Variants in TSPOAP1 observed in about 807,000 individuals in gnomAD.
TSPOAP1 encodes the protein TSPO associated protein 1, also known as peripheral-type benzodiazepine receptor-associated protein 1.
Under a neutral mutation model 197.0 loss-of-function variants are expected in TSPOAP1, and 87 were observed. The observed-to-expected ratio is 0.44, with a 90% CI of 0.37 to 0.53. The LOEUF (loss-of-function observed/expected upper bound fraction) is 0.53, where lower values mean the gene tolerates loss of function less well. Among genes scored for constraint, TSPOAP1 ranks in the 20% least tolerant of loss-of-function variants. The probability of loss-of-function intolerance (pLI) is 0.00; values close to 1 mark genes in which losing one functional copy is unlikely to be tolerated. For synonymous variants in TSPOAP1, 913 were observed against 998.9 expected (o/e 0.91, Z 1.62); for missense variants, 2,174 against 2,411.3 (o/e 0.90, Z 2.06).
rs561812917 is a variant in TSPOAP1 at position 58,308,780 on chromosome 17, T to C, written c.4492A>G (p.Ser1498Gly). ...SCLSPKCLEISIEYDSEDEQE... is the reference protein window; with the variant it reads ...SCLSPKCLEIGIEYDSEDEQE... ...TCATCCTCCGAATCATATTCAATGC[T>C]GATTTCCAAGCACTTGGGGGAAAGG... Residue 1498 changes from serine to glycine, a missense_variant, in exon 22 of 32, where the codon AGC (serine) becomes GGC (glycine). Coordinates refer to ENST00000343736, the MANE Select transcript of TSPOAP1 (RefSeq NM_004758.4). 6.2e-7 allele frequency: 1 copy of C among 1,613,038 alleles called. No homozygotes were observed. The highest frequency in any genetic ancestry group is 2.2e-5 in the East Asian group (1 of 44,878).
chr17:58,316,387 G>C, intron 15 of TSPOAP1, 38 bp downstream of exon 15: 1 of 1,561,098 alleles, frequency 6.4e-7, no homozygotes, highest in Admixed American at 1.8e-5. Context: ...CCCAAATGCT[G>C]GGGCTGGGCT....
In TSPOAP1 at chr17:58,312,516, C is replaced by A; in HGVS notation, c.2305G>T (p.Glu769Ter). The A allele has an allele frequency of 6.2e-7, 1 of 1,601,378 alleles. No homozygotes were observed. Among genetic ancestry groups the A allele is most frequent in the Non-Finnish European group, 8.5e-7 (1 of 1,173,734 alleles). Residue 769 changes from glutamate (E) to a stop codon, truncating the protein, a stop_gained, in exon 17 of 32, where the codon GAG (glutamate) becomes TAG (stop). Transcript: ENST00000343736. LOFTEE classifies it high-confidence loss of function. ...SVGRSQPRPE[E>*]EDAGDELSLS... ...CTGAGCTCGTCCCCTGCATCCTCCT[C>A]CTCAGGTCTGGGCTGGCTCCTTCCC...
intron 4 of TSPOAP1, 89 bp downstream of exon 4, chr17:58,325,445 G>A (rs1971555714): frequency 6.6e-7 from 1 of 1,521,330 alleles, no homozygotes; most frequent in African/African-American, 1.4e-5. Flanking sequence ...TTTCATTTGC[G>A]TCTCATTAAC....
At position 58,305,563 on chromosome 17, in the gene TSPOAP1, T is replaced by A; in HGVS notation, c.5338A>T (p.Ser1780Cys). The A allele has an allele frequency of 6.3e-7, 1 of 1,593,124 alleles. No individual in the cohort carries two copies. Among genetic ancestry groups the A allele is most frequent in the Non-Finnish European group, 8.5e-7 (1 of 1,170,408 alleles). ...ACCTCCACGTCCATATTGGGGGAAC[T>A]CTCCTGGGGGTTGTAGTCAAATGCA... ...VAAFDYNPQE[S>C]SPNMDVEAEL... The change falls in exon 28 of 32, where the codon AGT (serine) becomes TGT (cysteine). Residue 1780 changes from serine to cysteine, a missense_variant. Ser to Cys is a moderately radical substitution (Grantham distance 112). Transcript: ENST00000343736.
intron 13 of TSPOAP1, among the ~76,000 whole-genome samples, chr17:58,318,738 C>CTTG (rs763508900): frequency 2.0e-5 from 3 of 152,174 alleles, no homozygotes; most frequent in Non-Finnish European, 4.4e-5. Context: ...ATCACAGTGA[C>CTTG]TGTCAAGTGA....
chr17:58,323,431 A>ACAG (rs1401247528), intron 6 of TSPOAP1, 37 bp downstream of exon 6: 2 of 1,614,202 alleles, frequency 1.2e-6, no homozygotes, highest in Non-Finnish European at 1.7e-6. Flanking sequence ...ACATCTGCCC[A>ACAG]CAGCAGGCTG....
intron 16 of TSPOAP1, among the ~76,000 whole-genome samples, chr17:58,313,129 C>T (rs552681218): frequency 6.6e-6 from 1 of 152,108 alleles, no homozygotes; most frequent in African/African-American, 2.4e-5. Context: ...GGTAAAATAT[C>T]ATAATGCTTT....
At position 58,322,326 on chromosome 17, in the gene TSPOAP1, C is replaced by T. The variant is rs1281972593; in HGVS notation, c.1404G>A (p.Glu468=). 6.2e-7 allele frequency: 1 copy of T among 1,604,008 alleles called. No individual in the cohort carries two copies. The highest frequency in any genetic ancestry group is 1.7e-5 in the Admixed American group (1 of 60,012). ...ARLSLREKQE[E]VRRLQQAQAE... is the part of the protein sequence containing the mutation. ...GCCCCACCTGCTGCAGTCTCCGGAC[C>T]TCCTCCTGCTTCTCCCGTAGGCTGA... is the stretch of plus-strand genomic sequence containing the variant. The change falls in exon 10 of 32, where the codon GAG becomes GAA. Residue 468 remains glutamate (E), a synonymous_variant. Transcript: ENST00000343736. The surrounding 1 kb of genome is among the most constrained non-coding windows in gnomAD (Gnocchi z 5.0).
rs1197081145 is a variant in TSPOAP1 at position 58,326,317 on chromosome 17, C to G, written c.546G>C (p.Lys182Asn). The change falls in exon 3 of 32, where the codon AAG (lysine) becomes AAC (asparagine). Residue 182 changes from lysine (K) to asparagine (N), a missense_variant. Lys to Asn is a moderately conservative substitution (Grantham distance 94). Transcript: ENST00000343736. This position sits in a 1 kb window ranked among gnomAD's most constrained non-coding sequence, Gnocchi z 4.7. ...IAKRLEERAR[K>N]LQETNLRVVS... ...CCACCCTCAGGTTCGTTTCCTGCAG[C>G]TTTCGGGCCCTCTCCTCCAGGCGCT... is the stretch of plus-strand genomic sequence containing the variant. 3.7e-6 allele frequency: 6 copies of G among 1,614,118 alleles called. No individual in the cohort carries two copies. The Admixed American group carries it at 6.7e-5, about 18-fold the overall frequency.
intron 20 of TSPOAP1, 115 bp from the exon 21 acceptor site, chr17:58,310,273 G>T: frequency 3.3e-6 from 4 of 1,230,452 alleles, no homozygotes; most frequent in Non-Finnish European, 4.5e-6. Flanking sequence ...GGGAGAAAGA[G>T]CCATGTCCTA....
chr17:58,320,020 T>G, intron 12 of TSPOAP1, 89 bp downstream of exon 12: 42 of 1,487,540 alleles, frequency 2.8e-5, no homozygotes, highest in Non-Finnish European at 3.6e-5. Context: ...CTCTGCTGGA[T>G]GAGAGAGGGG....
chr17:58,319,092 T>C lies in TSPOAP1; in HGVS notation c.1697A>G (p.Lys566Arg). 1 of 1,528,828 alleles carries C rather than the reference T, an allele frequency of 6.5e-7. No individual in the cohort carries two copies. Among genetic ancestry groups the C allele is most frequent in the Non-Finnish European group, 8.8e-7 (1 of 1,131,098 alleles). The allele number at this position is 1,528,828 out of a possible 1,614,324, so 94.7% of individuals were successfully genotyped here. Residue 566 changes from lysine (K) to arginine (R), a missense_variant and splice_region_variant, in exon 13 of 32, where the codon AAA becomes AGA. By Grantham distance (26) the Lys-to-Arg change is conservative. Around this residue, in one of 5 missense-constraint regions of TSPOAP1, gnomAD observed 1,933 missense variants for 2,139.0 expected, o/e 0.90. Coordinates refer to ENST00000343736, the MANE Select transcript of TSPOAP1 (RefSeq NM_004758.4). ...IPQPCRGSGP[K>R]DLDLPPGSPG... Reference sequence around the variant, plus strand: ...AATGCCACTGGGGTCCACCTTACCTTTGGGGCCAGACCCCCGGCAAGGCTG... The same window carrying C: ...AATGCCACTGGGGTCCACCTTACCTCTGGGGCCAGACCCCCGGCAAGGCTG...
In TSPOAP1 at chr17:58,328,161, G is replaced by A. The variant is rs1269085120; in HGVS notation, c.-241C>T. ...TTTGCTGGTAGCTGTGTGTGTGCGCGAGTATGTGGAGGAGCGAGGGTGTCC... is the reference window on the plus strand; with the variant it reads ...TTTGCTGGTAGCTGTGTGTGTGCGCAAGTATGTGGAGGAGCGAGGGTGTCC... On this transcript the variant is annotated 5_prime_UTR_variant, in exon 1 of 32. Coordinates refer to ENST00000343736, the MANE Select transcript of TSPOAP1 (RefSeq NM_004758.4). The surrounding 1 kb of genome is among the most constrained non-coding windows in gnomAD (Gnocchi z 4.3). The A allele has an allele frequency of 7.1e-6, 4 of 561,516 alleles. No homozygotes were observed. Among genetic ancestry groups the A allele is most frequent in the South Asian group, 4.4e-5 (2 of 45,332 alleles). 34.8% of individuals were successfully genotyped at this position (561,516 alleles called of 1,614,324 possible). A position where few individuals can be genotyped will look rare whatever the true frequency, so the allele number is the denominator to read the frequency against.
rs779505651 is a variant in TSPOAP1, at chr17:58,309,042, G to C, written c.4230C>G (p.Gly1410=). The C allele has an allele frequency of 1.2e-6, 2 of 1,612,138 alleles. No individual in the cohort carries two copies. The highest frequency in any genetic ancestry group is 1.7e-6 in the Non-Finnish European group (2 of 1,179,988). ...TGCGGCTTGGGGGCTTCTCAGGGGA[G>C]CCCCCTCCTCTCCTCCGGCTGCTTC... ...VGGSSRRRGG[G]SPEKPPSRRR... Residue 1410 remains glycine (G), a synonymous_variant, in exon 22 of 32, where the codon GGC becomes GGG. Coordinates refer to ENST00000343736, the MANE Select transcript of TSPOAP1 (RefSeq NM_004758.4). The surrounding 1 kb of genome is among the most constrained non-coding windows in gnomAD (Gnocchi z 5.0).
Position 58,310,530 on chromosome 17 carries a change from C to T in TSPOAP1, c.3681G>A (p.Gly1227=), listed in dbSNP as rs768738470. 6.2e-7 allele frequency: 1 copy of T among 1,613,436 alleles called. No homozygotes were observed. The highest frequency in any genetic ancestry group is 1.7e-5 in the Admixed American group (1 of 60,034). Residue 1227 remains glycine, a synonymous_variant, in exon 20 of 32, where the codon GGG becomes GGA. Coordinates refer to ENST00000343736, the MANE Select transcript of TSPOAP1 (RefSeq NM_004758.4). ...CCCCTACCTCAGCCCTGGGCCTCAGCCCAGACCCTGGGTCTCCTCCTTGGC... is the reference window on the plus strand; with the variant it reads ...CCCCTACCTCAGCCCTGGGCCTCAGTCCAGACCCTGGGTCTCCTCCTTGGC... ...EMCQGGDPGS[G]LRPRAEKEDT...
At position 58,327,715 on chromosome 17, in the gene TSPOAP1, G is replaced by A; in HGVS notation, c.206C>T (p.Ser69Phe). The A allele has an allele frequency of 6.2e-7, 1 of 1,614,144 alleles. No individual in the cohort carries two copies. The highest frequency in any genetic ancestry group is 1.3e-5 in the African/African-American group (1 of 75,062). The change falls in exon 1 of 32, where the codon TCC becomes TTC. Residue 69 changes from serine to phenylalanine, a missense_variant. Ser to Phe is a radical substitution (Grantham distance 155, BLOSUM62 -2). Transcript: ENST00000343736. Reference protein sequence around the residue: ...ESSKPKGDGSSRPVGGTDPEG... With the variant: ...ESSKPKGDGSFRPVGGTDPEG... ...AGGGTCAGTTCCCCCCACGGGCCTGGAGCTCCCGTCTCCTTTGGGCTTGGA... is the reference window on the plus strand; with the variant it reads ...AGGGTCAGTTCCCCCCACGGGCCTGAAGCTCCCGTCTCCTTTGGGCTTGGA...
intron 15 of TSPOAP1, 144 bp from the exon 16 acceptor site, chr17:58,316,276 C>A: frequency 9.7e-7 from 1 of 1,030,434 alleles, no homozygotes; most frequent in Non-Finnish European, 1.5e-6. Context: ...CCTCACTGCA[C>A]CCACCTTGGC....
rs185575625 is a variant in TSPOAP1, at chr17:58,309,455, G to C, written c.3892-75C>G. Reference sequence around the variant, plus strand: ...CGTGGGGAAGAGGAGAGCGAGCTGCGATCTTTGCCCTCAAACGAAGGCAGG... The same window carrying C: ...CGTGGGGAAGAGGAGAGCGAGCTGCCATCTTTGCCCTCAAACGAAGGCAGG... On this transcript the variant is annotated intron_variant, in intron 21 of 31. Coordinates refer to ENST00000343736, the MANE Select transcript of TSPOAP1 (RefSeq NM_004758.4). The surrounding 1 kb of genome is among the most constrained non-coding windows in gnomAD (Gnocchi z 5.0). 3 of 1,514,448 alleles carry C rather than the reference G, an allele frequency of 2.0e-6. No homozygotes were observed. Among genetic ancestry groups the C allele is most frequent in the Non-Finnish European group, 2.6e-6 (3 of 1,133,784 alleles). The allele number at this position is 1,514,448 out of a possible 1,614,324, so 93.8% of individuals were successfully genotyped here. A position where few individuals can be genotyped will look rare whatever the true frequency, so the allele number is the denominator to read the frequency against.
In TSPOAP1 at chr17:58,309,366, G is replaced by C. The variant is rs1430210539; in HGVS notation, c.3906C>G (p.Pro1302=). 1.9e-6 allele frequency: 3 copies of C among 1,610,912 alleles called. No homozygotes were observed. The Admixed American group carries it at 5.0e-5, about 27-fold the overall frequency. ...RENGAKSQPD[P]FCETDSDEEI... is the part of the protein sequence containing the mutation. The stretch of plus-strand genomic sequence containing the variant: ...CCTCATCGCTGTCAGTCTCACAAAA[G>C]GGGTCGGGCTGGGACTGGTGGAGGT... The change falls in exon 22 of 32, where the codon CCC becomes CCG. Residue 1302 remains proline, a synonymous_variant. Coordinates refer to ENST00000343736, the MANE Select transcript of TSPOAP1 (RefSeq NM_004758.4). The surrounding 1 kb of genome is among the most constrained non-coding windows in gnomAD (Gnocchi z 5.0).
Sources: allele counts gnomAD v4.1 joint callset (sites outside exome capture counted in the v4.1 genomes callset), GRCh38; gene constraint gnomAD v4.1.1; regional missense constraint gnomAD v4.1.1; non-coding constraint Gnocchi (gnomAD v3.1); transcripts MANE v1.5; gene names NCBI Gene and HGNC (gene_info 2026-07-23, HGNC 2026-07-21).